CAB39: variants seen among roughly 807,000 people sequenced by gnomAD.
The protein encoded by CAB39 is calcium-binding protein 39.
Under a neutral mutation model 40.0 loss-of-function variants are expected in CAB39, and 8 were observed. The ratio of observed to expected loss-of-function variants is 0.20; its 90% CI spans 0.12 to 0.36. The LOEUF (loss-of-function observed/expected upper bound fraction) is 0.36, where lower values mean the gene tolerates loss of function less well. Among genes scored for constraint, CAB39 ranks in the 10% least tolerant of loss-of-function variants. CAB39 has a pLI of 1.00. For missense variants in CAB39, 270 were observed against 401.1 expected (o/e 0.67, Z 2.79); for synonymous variants, 156 against 141.6 (o/e 1.10, Z -0.72).
intron 4 of CAB39, among the ~76,000 whole-genome samples, chr2:230,794,747 C>A (rs1194816046): frequency 6.6e-6 from 1 of 152,160 alleles, no homozygotes; most frequent in Non-Finnish European, 1.5e-5. Context: ...TGTAACATAC[C>A]GGTTCCTACC....
intron 1 of CAB39, among the ~76,000 whole-genome samples, chr2:230,719,589 A>G (rs964032244): frequency 6.6e-6 from 1 of 152,198 alleles, no homozygotes; most frequent in Non-Finnish European, 1.5e-5. Context: ...TTTAATTTCT[A>G]CATTATTCTT....
intron 2 of CAB39, among the ~76,000 whole-genome samples, chr2:230,771,559 G>T (rs545639838): frequency 1.3e-5 from 2 of 152,296 alleles, no homozygotes; most frequent in East Asian, 1.9e-4. Flanking sequence ...CTCTCCAGAT[G>T]TATCTAGAGA....
chr2:230,784,500 A>G (rs1695753144), intron 2 of CAB39, among the ~76,000 whole-genome samples: 2 of 152,190 alleles, frequency 1.3e-5, no homozygotes, highest in South Asian at 4.1e-4. Context: ...AGGAAGCCCT[A>G]GTACCCTGCC....
At chr2:230,806,192 GTTA>G (rs904227635) in intron 5 of CAB39, among the ~76,000 whole-genome samples, 7 of 152,292 alleles carry the variant, frequency 4.6e-5, no homozygotes, top group African/African-American at 1.4e-4. Flanking sequence ...AGGCAGTGTT[GTTA>G]TTACTGACTT....
At chr2:230,803,469 C>T (rs1437313881) in intron 5 of CAB39, among the ~76,000 whole-genome samples, 2 of 152,082 alleles carry the variant, frequency 1.3e-5, no homozygotes, top group Non-Finnish European at 2.9e-5. Flanking sequence ...TCAAATTGTC[C>T]CTGTTTGCAG....
chr2:230,764,546 A>G (rs1695349914), intron 2 of CAB39, among the ~76,000 whole-genome samples: 2 of 152,252 alleles, frequency 1.3e-5, no homozygotes, highest in Admixed American at 1.3e-4. Context: ...ATGTTGACAC[A>G]TTATACAGAT....
At chr2:230,748,222 A>G (rs59884204) in intron 1 of CAB39, among the ~76,000 whole-genome samples, 28,480 of 151,922 alleles carry the variant, frequency 0.19, 4,791 homozygotes, top group African/African-American at 0.45. Flanking sequence ...GGTGATGTTA[A>G]ACTTGTTCCT....
At chr2:230,806,316 C>T (rs1375562314) in intron 5 of CAB39, among the ~76,000 whole-genome samples, 1 of 152,092 alleles carries the variant, frequency 6.6e-6, no homozygotes, top group Non-Finnish European at 1.5e-5. Context: ...TTTGAGTAAA[C>T]AATTTTGAAT....
At chr2:230,744,650 A>C (rs1694942438) in intron 1 of CAB39, among the ~76,000 whole-genome samples, 1 of 152,248 alleles carries the variant, frequency 6.6e-6, no homozygotes, top group African/African-American at 2.4e-5. Context: ...GTGGTTGTTT[A>C]TACATGTCCT....
chr2:230,759,718 G>A (rs975365893), intron 1 of CAB39, among the ~76,000 whole-genome samples: 2 of 152,204 alleles, frequency 1.3e-5, no homozygotes, highest in African/African-American at 4.8e-5. Flanking sequence ...GGTTAGGAGA[G>A]CAATTGATTT....
chr2:230,791,188 T>G, intron 3 of CAB39, 152 bp downstream of exon 3: 1 of 579,742 alleles, frequency 1.7e-6, no homozygotes. Context: ...CCTGCCTGAT[T>G]AGCAGAGCAA....
chr2:230,754,469 CCCTCCTACTCCTTCCGCTCCTCTT>C (rs1168946257), intron 1 of CAB39, among the ~76,000 whole-genome samples: 1 of 146,926 alleles, frequency 6.8e-6, no homozygotes, highest in African/African-American at 2.6e-5. Context: ...CTCCTTCTTC[CCCTCCTACTCCTTCCGCTCCTCTT>C]CCTCCTCCTC....
intron 2 of CAB39, among the ~76,000 whole-genome samples, chr2:230,774,563 A>G (rs1443000790): frequency 6.6e-6 from 1 of 152,200 alleles, no homozygotes; most frequent in African/African-American, 2.4e-5. Context: ...CGCCCACCAC[A>G]TGCTGTATAA....
At chr2:230,807,850 C>G (rs1476582148) in intron 5 of CAB39, among the ~76,000 whole-genome samples, 1 of 152,172 alleles carries the variant, frequency 6.6e-6, no homozygotes, top group Admixed American at 6.5e-5. Flanking sequence ...CTGCTTGGCA[C>G]TCTCTTCGTG....
At chr2:230,772,982 T>TAAAAAAAAAAAAAAAAAAAAAAA (rs10713369) in intron 2 of CAB39, among the ~76,000 whole-genome samples, 1 of 115,084 alleles carries the variant, frequency 8.7e-6, no homozygotes. Context: ...TACTCAGCAA[T>TAAAAAAAAAAAAAAAAAAAAAAA]AAAAAAAAAA....
intron 2 of CAB39, among the ~76,000 whole-genome samples, chr2:230,789,597 G>C (rs1695857105): frequency 6.6e-6 from 1 of 152,230 alleles, no homozygotes; most frequent in Admixed American, 6.5e-5. Flanking sequence ...CCAGCCCCAT[G>C]TGAGCTCCAA....
intron 7 of CAB39, 38 bp from the exon 8 acceptor site, chr2:230,817,716 G>C (rs776308377): frequency 7.3e-6 from 11 of 1,499,572 alleles, no homozygotes; most frequent in Non-Finnish European, 9.0e-6. Flanking sequence ...TTTTCTTTAA[G>C]TTTTAATAAC....
chr2:230,751,292 C>CA (rs1245599705), intron 1 of CAB39, among the ~76,000 whole-genome samples: 1 of 152,190 alleles, frequency 6.6e-6, no homozygotes, highest in Non-Finnish European at 1.5e-5. Flanking sequence ...AATGTGTTGT[C>CA]ATTCAGCAGT....
At chr2:230,776,472 A>G (rs761731950) in intron 2 of CAB39, among the ~76,000 whole-genome samples, 1 of 152,222 alleles carries the variant, frequency 6.6e-6, no homozygotes, top group Non-Finnish European at 1.5e-5. Flanking sequence ...GCTCTATGCA[A>G]TTGCATCACA....
Sources: allele counts gnomAD v4.1 joint callset (sites outside exome capture counted in the v4.1 genomes callset), GRCh38; gene constraint gnomAD v4.1.1; transcripts MANE v1.5; gene names NCBI Gene and HGNC (gene_info 2026-07-23, HGNC 2026-07-21).